Variants in SNRPN observed in about 807,000 individuals in gnomAD.
SNRPN encodes small nuclear ribonucleoprotein polypeptide N, also known as small nuclear ribonucleoprotein-associated protein N.
Under a neutral mutation model 25.2 loss-of-function variants are expected in SNRPN, and 7 were observed. The observed-to-expected ratio is 0.28, with a 90% CI of 0.16 to 0.52. The LOEUF is 0.52. SNRPN is among the 20% of genes least tolerant of loss of function. The probability of loss-of-function intolerance (pLI) is 0.96; values close to 1 mark genes in which losing one functional copy is unlikely to be tolerated. For missense variants in SNRPN, 196 were observed against 322.5 expected, an observed-to-expected ratio of 0.61 and a Z score of 3.00; for synonymous variants, 124 against 110.6, an observed-to-expected ratio of 1.12 and a Z score of -0.76.
At chr15:24,893,075 G>C (rs1456083579) in intron 2 of SNRPN, among the ~76,000 whole-genome samples, 1 of 152,038 alleles carries the variant, frequency 6.6e-6, no homozygotes, top group East Asian at 1.9e-4. Context: ...TGGGCATGGA[G>C]GTGCACGTCT....
chr15:24,851,068 A>G (rs1397352376), intron 2 of SNRPN: 1 of 152,096 alleles, frequency 6.6e-6, no homozygotes, highest in African/African-American at 2.4e-5. Flanking sequence ...CCACAGGCAT[A>G]TGCCACCAAG....
At chr15:24,890,787 T>C (rs11161152) in intron 2 of SNRPN, among the ~76,000 whole-genome samples, 97,911 of 152,178 alleles carry the variant, frequency 0.64, 32,138 homozygotes, top group African/African-American at 0.77. Flanking sequence ...GTTAAGTAAA[T>C]ATATTATGTT....
intron 1 of SNRPN, among the ~76,000 whole-genome samples, chr15:24,860,753 G>A (rs1443553348): frequency 6.6e-6 from 1 of 152,092 alleles, no homozygotes; most frequent in Non-Finnish European, 1.5e-5. Context: ...AGAAAGATTG[G>A]ACACTCAAAG....
intron 2 of SNRPN, among the ~76,000 whole-genome samples, chr15:24,917,098 T>G (rs1476291243): frequency 6.6e-6 from 1 of 152,182 alleles, no homozygotes; most frequent in African/African-American, 2.4e-5. Context: ...GAGCATCGAT[T>G]GGTGCATTTT....
At chr15:24,976,131 A>G (rs2077035231) in intron 5 of SNRPN, among the ~76,000 whole-genome samples, 174 bp from the exon 6 acceptor site, 1 of 152,174 alleles carries the variant, frequency 6.6e-6, no homozygotes, top group East Asian at 1.9e-4. Context: ...TAGCTTCACT[A>G]TTTACCCTTG....
At chr15:24,887,098 C>T (rs2057262932) in intron 2 of SNRPN, among the ~76,000 whole-genome samples, 1 of 151,030 alleles carries the variant, frequency 6.6e-6, no homozygotes, top group South Asian at 2.1e-4. Context: ...TTCTCTGTAT[C>T]ATCTTCCGGT....
intron 3 of SNRPN, among the ~76,000 whole-genome samples, chr15:24,971,149 A>C (rs2076352240): frequency 6.6e-6 from 1 of 152,142 alleles, no homozygotes; most frequent in Non-Finnish European, 1.5e-5. Flanking sequence ...TAATCATTTG[A>C]AAGTCTACAG....
chr15:24,925,471 C>T (rs1459940546), intron 3 of SNRPN, among the ~76,000 whole-genome samples: 1 of 151,982 alleles, frequency 6.6e-6, no homozygotes, highest in Non-Finnish European at 1.5e-5. Context: ...ATGATTGCGT[C>T]CCCCTACCAC....
At chr15:24,963,140 G>T (rs935334510) in intron 2 of SNRPN, among the ~76,000 whole-genome samples, 1 of 152,110 alleles carries the variant, frequency 6.6e-6, no homozygotes, top group Admixed American at 6.5e-5. Flanking sequence ...ATACGACACC[G>T]TGCTGTCTGT....
At chr15:24,941,081 ACT>A (rs2061522574) in intron 3 of SNRPN, among the ~76,000 whole-genome samples, 1 of 151,746 alleles carries the variant, frequency 6.6e-6, no homozygotes, top group South Asian at 2.1e-4. Context: ...GGTTCAAGCG[ACT>A]CTCCTACCTC....
intron 1 of SNRPN, among the ~76,000 whole-genome samples, chr15:24,881,003 C>T (rs141340692): frequency 1.3e-5 from 2 of 152,234 alleles, no homozygotes; most frequent in East Asian, 3.9e-4. Flanking sequence ...ATTATATTCG[C>T]TTTACCTGTG....
intron 5 of SNRPN, 25 bp from the exon 6 acceptor site, chr15:24,976,280 A>G (rs369652818): frequency 5.7e-6 from 9 of 1,573,044 alleles, no homozygotes; most frequent in Non-Finnish European, 7.9e-6. Context: ...AATTTATCTC[A>G]CTAAAATTTA....
chr15:24,941,051 G>A (rs1019925106), intron 3 of SNRPN, among the ~76,000 whole-genome samples: 8 of 152,188 alleles, frequency 5.3e-5, no homozygotes, highest in Non-Finnish European at 1.0e-4. Context: ...ATCTTGGCTC[G>A]CTGCAACCTT....
At chr15:24,909,681 T>C in intron 2 of SNRPN, 1 of 1,240,602 alleles carries the variant, frequency 8.1e-7, no homozygotes, top group Non-Finnish European at 1.2e-6. Context: ...ATCCTGTATT[T>C]GAGTGTGTTG....
chr15:24,976,852 T>A, intron 6 of SNRPN, 25 bp from the exon 7 acceptor site: 1 of 1,601,612 alleles, frequency 6.2e-7, no homozygotes, highest in African/African-American at 1.3e-5. Flanking sequence ...TGTTTGATTT[T>A]AGGCTATGAA....
At chr15:24,960,221 A>C (rs1444882938) in intron 1 of SNRPN, among the ~76,000 whole-genome samples, 2 of 152,148 alleles carry the variant, frequency 1.3e-5, no homozygotes, top group Admixed American at 1.3e-4. Context: ...GTCATATGTT[A>C]CTTTCATGAT....
intron 1 of SNRPN, among the ~76,000 whole-genome samples, chr15:24,873,631 T>C (rs566853124): frequency 2.4e-4 from 36 of 152,078 alleles, no homozygotes; most frequent in Non-Finnish European, 4.4e-4. Context: ...GTATTTTTAG[T>C]AGAGACGGGG....
intron 2 of SNRPN, among the ~76,000 whole-genome samples, chr15:24,897,828 G>C (rs767233348): frequency 2.6e-5 from 4 of 152,136 alleles, no homozygotes; most frequent in Non-Finnish European, 5.9e-5. Context: ...ATGATGGTGA[G>C]GGCTTCCTAG....
At chr15:24,952,566 C>T (rs977166967), upstream of SNRPN, among the ~76,000 whole-genome samples, 2 of 152,126 alleles carry the variant, frequency 1.3e-5, no homozygotes, top group African/African-American at 4.8e-5. Context: ...AAGCCCAGGA[C>T]ACCCATTGTG....
Sources: gnomAD v4.1 joint callset for allele counts (sites outside exome capture counted in the v4.1 genomes callset) on GRCh38, gnomAD v4.1.1 for gene constraint, MANE v1.5 for transcripts, NCBI Gene and HGNC (gene_info 2026-07-23, HGNC 2026-07-21) for gene names.